Variants in AKAP13 observed in about 807,000 individuals in gnomAD.
AKAP13 encodes A-kinase anchoring protein 13.
In AKAP13, 80 loss-of-function variants were observed where a neutral mutation model predicts 264.5. The observed-to-expected ratio is 0.30, with a 90% CI of 0.25 to 0.36. The LOEUF (loss-of-function observed/expected upper bound fraction) is 0.36, where lower values mean the gene tolerates loss of function less well. Among genes scored for constraint, AKAP13 ranks in the 10% least tolerant of loss-of-function variants. The pLI, the probability that AKAP13 is intolerant of heterozygous loss-of-function variation, is 1.00. For synonymous variants in AKAP13, 1,380 were observed against 1,250.2 expected (o/e 1.10, Z -2.19); for missense variants, 3,712 against 3,435.2 (o/e 1.08, Z -2.01).
chr15:85,614,192 T>C (rs2080837061), intron 8 of AKAP13, among the ~76,000 whole-genome samples: 1 of 152,216 alleles, frequency 6.6e-6, no homozygotes, highest in Admixed American at 6.5e-5. Context: ...TCAGGTATTC[T>C]GTTGTCTGAG....
intron 1 of AKAP13, among the ~76,000 whole-genome samples, chr15:85,479,650 GT>G (rs1363170187): frequency 6.6e-6 from 1 of 152,168 alleles, no homozygotes; most frequent in Non-Finnish European, 1.5e-5. Flanking sequence ...GATGTGGTAG[GT>G]ATGTCAGACC....
At chr15:85,689,346 T>C (rs2085132549) in intron 16 of AKAP13, among the ~76,000 whole-genome samples, 1 of 152,270 alleles carries the variant, frequency 6.6e-6, no homozygotes, top group South Asian at 2.1e-4. Flanking sequence ...ATTAAAGATC[T>C]GTAACATGAC....
At chr15:85,688,113 C>T (rs1475699066) in intron 16 of AKAP13, among the ~76,000 whole-genome samples, 1 of 151,722 alleles carries the variant, frequency 6.6e-6, no homozygotes, top group Non-Finnish European at 1.5e-5. Flanking sequence ...AATACCCTCA[C>T]TCTGCTATGT....
chr15:85,594,104 G>T (rs2079702483), intron 8 of AKAP13, among the ~76,000 whole-genome samples: 1 of 152,168 alleles, frequency 6.6e-6, no homozygotes, highest in Admixed American at 6.5e-5. Flanking sequence ...AAGACAGTAT[G>T]AATGAGTGAT....
At chr15:85,528,891 G>T (rs1228427628) in intron 3 of AKAP13, among the ~76,000 whole-genome samples, 2 of 151,976 alleles carry the variant, frequency 1.3e-5, no homozygotes, top group Non-Finnish European at 2.9e-5. Flanking sequence ...GCCTTCATAA[G>T]TTCAGTAAAA....
chr15:85,709,671 T>TTTTAC (rs1408296634), intron 18 of AKAP13, among the ~76,000 whole-genome samples: 1,732 of 142,470 alleles, frequency 0.012, 32 homozygotes, highest in African/African-American at 0.045. Flanking sequence ...TTTTATTTTA[T>TTTTAC]TTTATTTTAT....
Position 85,744,783 on chromosome 15 carries a change from C to A in AKAP13, c.*106C>A. On this transcript the variant is annotated 3_prime_UTR_variant, in exon 37 of 37. Coordinates refer to ENST00000394518, the MANE Select transcript of AKAP13 (RefSeq NM_007200.5). The stretch of plus-strand genomic sequence containing the variant: ...CTTACACTGGACGCCCACTGCTCCT[C>A]AGCGTCCAGTCCTCCTGGGCGGCCC... 9.3e-7 allele frequency: 1 copy of A among 1,070,762 alleles called. No individual in the cohort carries two copies. Among genetic ancestry groups the A allele is most frequent in the Non-Finnish European group, 1.3e-6 (1 of 747,528 alleles). The allele number at this position is 1,070,762 out of a possible 1,614,324, so 66.3% of individuals were successfully genotyped here.
At chr15:85,690,556 T>G (rs2085223351) in intron 16 of AKAP13, among the ~76,000 whole-genome samples, 1 of 152,262 alleles carries the variant, frequency 6.6e-6, no homozygotes, top group Admixed American at 6.5e-5. Flanking sequence ...TTTTTTATAG[T>G]TCAAAAGTGT....
In AKAP13 at chr15:85,533,666, C is replaced by A. The variant is rs1411245337; in HGVS notation, c.264C>A (p.Asp88Glu). ...CCGTGTTTGTGGTGGCTGAAGAAGA[C>A]TTTCATTTCGTCCAGGATGAAGCGT... ...GLPVFVVAEE[D>E]FHFVQDEAYD... Residue 88 changes from aspartate to glutamate, a missense_variant, in exon 4 of 37, where the codon GAC becomes GAA. Asp to Glu is a conservative substitution (Grantham distance 45). This residue lies in a region of AKAP13 where 2,759 missense variants were observed against 2,411.7 expected (regional missense o/e 1.14). Coordinates refer to ENST00000394518, the MANE Select transcript of AKAP13 (RefSeq NM_007200.5). The A allele has an allele frequency of 6.2e-7, 1 of 1,614,190 alleles. No individual in the cohort carries two copies. The highest frequency in any genetic ancestry group is 2.2e-5 in the East Asian group (1 of 44,888).
intron 2 of AKAP13, among the ~76,000 whole-genome samples, chr15:85,517,913 G>A (rs747076243): frequency 9.2e-5 from 14 of 152,150 alleles, no homozygotes; most frequent in African/African-American, 4.8e-5. Context: ...AGGGGATCAC[G>A]CTGTTTCTTA....
intron 8 of AKAP13, among the ~76,000 whole-genome samples, chr15:85,601,650 T>TGTGTGTGTG (rs1567149369): frequency 1.2e-3 from 42 of 35,608 alleles, no homozygotes; most frequent in African/African-American, 4.7e-3. Flanking sequence ...GTGTGTGTGT[T>TGTGTGTGTG]TTTCTTCCAG....
At chr15:85,443,374 C>G (rs1596196134) in intron 1 of AKAP13, among the ~76,000 whole-genome samples, 2 of 152,144 alleles carry the variant, frequency 1.3e-5, no homozygotes, top group African/African-American at 4.8e-5. Flanking sequence ...TTGATTTCAT[C>G]ATCAATTTTA....
chr15:85,733,159 TA>T (rs2088178653), intron 30 of AKAP13, among the ~76,000 whole-genome samples: 1 of 152,192 alleles, frequency 6.6e-6, no homozygotes, highest in Non-Finnish European at 1.5e-5. Flanking sequence ...TTCATGAGAG[TA>T]ATAGTCCATG....
chr15:85,401,192 T>C (rs1489220054), intron 1 of AKAP13, among the ~76,000 whole-genome samples: 1 of 152,170 alleles, frequency 6.6e-6, no homozygotes, highest in Non-Finnish European at 1.5e-5. Context: ...AAATTTAATT[T>C]ATGATGGTTC....
At chr15:85,386,966 T>C (rs943751411) in intron 1 of AKAP13, among the ~76,000 whole-genome samples, 1 of 152,236 alleles carries the variant, frequency 6.6e-6, no homozygotes, top group Non-Finnish European at 1.5e-5. Context: ...CATTGCCTTT[T>C]GTGCATATTT....
intron 10 of AKAP13, among the ~76,000 whole-genome samples, chr15:85,650,277 A>T (rs2082742040): frequency 6.6e-6 from 1 of 152,000 alleles, no homozygotes. Context: ...TAAAAAATTT[A>T]AAAATTAGCC....
chr15:85,715,439 T>G (rs1003812547), intron 19 of AKAP13, among the ~76,000 whole-genome samples: 5 of 152,196 alleles, frequency 3.3e-5, no homozygotes, highest in African/African-American at 1.2e-4. Context: ...AAAATAAACA[T>G]AGCCTAAAAG....
chr15:85,642,740 C>T (rs755491417), intron 9 of AKAP13, among the ~76,000 whole-genome samples: 56 of 152,306 alleles, frequency 3.7e-4, no homozygotes, highest in Non-Finnish European at 5.9e-4. Context: ...AGGTATTCCT[C>T]CCAGGGCTGA....
chr15:85,555,552 T>C, intron 5 of AKAP13: 1 of 1,134,664 alleles, frequency 8.8e-7, no homozygotes, highest in Non-Finnish European at 1.2e-6. Context: ...TCTGACATTT[T>C]CTCTGGCTTT....
Sources: allele counts gnomAD v4.1 joint callset (sites outside exome capture counted in the v4.1 genomes callset), GRCh38; gene constraint gnomAD v4.1.1; regional missense constraint gnomAD v4.1.1; transcripts MANE v1.5; gene names NCBI Gene and HGNC (gene_info 2026-07-23, HGNC 2026-07-21).